The following ACCSL variants were observed in gnomAD, a reference collection of about 807,000 sequenced individuals.
ACCSL encodes the protein probable inactive 1-aminocyclopropane-1-carboxylate synthase-like protein 2.
A neutral mutation model predicts 61.7 loss-of-function variants in ACCSL; 55 were observed. The ratio of observed to expected loss-of-function variants is 0.89; its 90% CI spans 0.72 to 1.12. The LOEUF (loss-of-function observed/expected upper bound fraction) is 1.12, where lower values mean the gene tolerates loss of function less well. Among genes scored for constraint, ACCSL ranks in the 50% most tolerant of loss-of-function variants. The pLI, the probability that ACCSL is intolerant of heterozygous loss-of-function variation, is 0.00. For missense variants in ACCSL, 632 were observed against 698.0 expected, an observed-to-expected ratio of 0.91 and a Z score of 1.07; for synonymous variants, 258 against 264.3, an observed-to-expected ratio of 0.98 and a Z score of 0.23.
At chr11:43,982,959 C>G in the ACCSL span, among the ~76,000 whole-genome samples, 1 of 152,176 alleles carries the variant, frequency 6.6e-6, no homozygotes, top group East Asian at 1.9e-4. Context: ...ATCTCTGTTG[C>G]AAGGGCAGGC....
At chr11:44,058,761 C>T (rs1256462624) in intron 13 of ACCSL, 62 bp downstream of exon 13, 2 of 1,542,864 alleles carry the variant, frequency 1.3e-6, no homozygotes, top group African/African-American at 1.4e-5. Flanking sequence ...TGTCAATCTT[C>T]TCCCCCACCC....
the ACCSL span, among the ~76,000 whole-genome samples, chr11:43,930,573 C>G: frequency 6.6e-6 from 1 of 152,116 alleles, no homozygotes; most frequent in African/African-American, 2.4e-5. Flanking sequence ...TATGCCTGAT[C>G]CTGCTTCACT....
At chr11:44,002,056 C>T in the ACCSL span, among the ~76,000 whole-genome samples, 8 of 152,084 alleles carry the variant, frequency 5.3e-5, no homozygotes, top group South Asian at 2.1e-4. Flanking sequence ...TTTGGAATTA[C>T]AGCCCTGGTT....
intron 3 of ACCSL, 99 bp from the exon 4 acceptor site, chr11:44,051,236 G>A (rs1952635997): frequency 7.5e-6 from 9 of 1,200,458 alleles, no homozygotes; most frequent in Non-Finnish European, 1.1e-5. Flanking sequence ...AGGTTGGACT[G>A]AGTAGAAAAG....
the ACCSL span, among the ~76,000 whole-genome samples, chr11:44,037,446 T>C: frequency 6.6e-6 from 1 of 152,262 alleles, no homozygotes; most frequent in Non-Finnish European, 1.5e-5. Context: ...GCGCACTGGC[T>C]GCTCCTTGTC....
chr11:43,947,751 GAGAGAGAGAGAGAGGGAGAGAGA>G, the ACCSL span, among the ~76,000 whole-genome samples: 1 of 27,838 alleles, frequency 3.6e-5, no homozygotes, highest in African/African-American at 1.0e-4. Context: ...GAGAGAGAGA[GAGAGAGAGAGAGAGGGAGAGAGA>G]GAGACCCACA....
At chr11:44,045,919 G>A (rs917612207), upstream of ACCSL, among the ~76,000 whole-genome samples, 4 of 152,174 alleles carry the variant, frequency 2.6e-5, no homozygotes, top group African/African-American at 9.7e-5. Flanking sequence ...GAAGATGCCT[G>A]GTGACAATAG....
At chr11:44,002,934 G>A in the ACCSL span, among the ~76,000 whole-genome samples, 1 of 152,170 alleles carries the variant, frequency 6.6e-6, no homozygotes, top group Non-Finnish European at 1.5e-5. Context: ...TGGTGAGGGT[G>A]ACTTTCTGGG....
At chr11:43,932,313 G>T in the ACCSL span, among the ~76,000 whole-genome samples, 1 of 152,186 alleles carries the variant, frequency 6.6e-6, no homozygotes, top group African/African-American at 2.4e-5. Flanking sequence ...TGTCACCCAG[G>T]CTGGAGTGCA....
rs553739731 is a variant in ACCSL at position 44,051,640 on chromosome 11, G to T, written c.706-13G>T. On this transcript the variant is annotated splice_polypyrimidine_tract_variant and intron_variant, in intron 4 of 13. Transcript: ENST00000378832. Reference sequence around the variant, plus strand: ...ATTGGTTTTGACTTCTGCCTCTCATGTGTTGTCTTCAGGTGGTGGTTCTAA... The same window carrying T: ...ATTGGTTTTGACTTCTGCCTCTCATTTGTTGTCTTCAGGTGGTGGTTCTAA... 1 of 1,614,164 alleles carries T rather than the reference G, an allele frequency of 6.2e-7. No homozygotes were observed. Among genetic ancestry groups the T allele is most frequent in the South Asian group, 1.1e-5 (1 of 91,078 alleles).
chr11:43,960,170 T>G, the ACCSL span, among the ~76,000 whole-genome samples: 2 of 152,246 alleles, frequency 1.3e-5, no homozygotes, highest in African/African-American at 4.8e-5. Context: ...CCTAGCCCCA[T>G]GTACCATAAC....
At chr11:44,032,165 G>A in the ACCSL span, among the ~76,000 whole-genome samples, 1 of 152,166 alleles carries the variant, frequency 6.6e-6, no homozygotes, top group Non-Finnish European at 1.5e-5. Flanking sequence ...GCTTCACATG[G>A]CATTGCCAAG....
the ACCSL span, among the ~76,000 whole-genome samples, chr11:43,936,431 G>C: frequency 6.6e-6 from 1 of 152,138 alleles, no homozygotes; most frequent in Non-Finnish European, 1.5e-5. Flanking sequence ...AACATGCCGG[G>C]TACTGTGCTA....
the ACCSL span, among the ~76,000 whole-genome samples, chr11:44,033,242 G>A: frequency 6.6e-6 from 1 of 152,114 alleles, no homozygotes; most frequent in Non-Finnish European, 1.5e-5. Context: ...GAGATGCTTA[G>A]TAACTCACCC....
At chr11:43,938,138 T>C in the ACCSL span, among the ~76,000 whole-genome samples, 1 of 152,176 alleles carries the variant, frequency 6.6e-6, no homozygotes, top group Admixed American at 6.5e-5. Context: ...TAGCTAGCCA[T>C]CTCTGTCACA....
the ACCSL span, among the ~76,000 whole-genome samples, chr11:44,027,358 G>A: frequency 6.6e-6 from 1 of 152,136 alleles, no homozygotes; most frequent in South Asian, 2.1e-4. Context: ...GAAATAAATT[G>A]GAGCTTTTCA....
At chr11:43,996,665 C>T in the ACCSL span, among the ~76,000 whole-genome samples, 2,129 of 152,166 alleles carry the variant, frequency 0.014, 31 homozygotes, top group East Asian at 0.036. Context: ...CAGGTTCTCT[C>T]TCCCAGAGGA....
chr11:43,928,681 G>A, the ACCSL span, among the ~76,000 whole-genome samples: 5 of 152,174 alleles, frequency 3.3e-5, no homozygotes, highest in South Asian at 8.3e-4. Flanking sequence ...TGGGCAGCGG[G>A]CACTCTCTGT....
At chr11:44,054,915 A>G (rs566629775) in intron 8 of ACCSL, among the ~76,000 whole-genome samples, 5 of 152,244 alleles carry the variant, frequency 3.3e-5, no homozygotes, top group Admixed American at 2.0e-4. Context: ...TTGAATGGTT[A>G]GCTAAGGTTA....
Sources: allele counts gnomAD v4.1 joint callset (sites outside exome capture counted in the v4.1 genomes callset), GRCh38; gene constraint gnomAD v4.1.1; transcripts MANE v1.5; gene names NCBI Gene and HGNC (gene_info 2026-07-23, HGNC 2026-07-21).